The following CCDC178 variants were observed in gnomAD, a reference collection of about 807,000 sequenced individuals.
CCDC178 encodes the protein coiled-coil domain-containing protein 178.
Under a neutral mutation model 117.4 loss-of-function variants are expected in CCDC178, and 126 were observed. The observed-to-expected ratio is 1.07, with a 90% CI of 0.93 to 1.24. The LOEUF is 1.24. Among genes scored for constraint, CCDC178 ranks in the 50% most tolerant of loss-of-function variants. CCDC178 has a pLI of 0.00. For synonymous variants in CCDC178, 283 were observed against 313.4 expected (o/e 0.90, Z 1.02); for missense variants, 1,030 against 986.9 (o/e 1.04, Z -0.59).
At chr18:32,972,135 G>A (rs564226581) in intron 22 of CCDC178, among the ~76,000 whole-genome samples, 1 of 152,132 alleles carries the variant, frequency 6.6e-6, no homozygotes, top group South Asian at 2.1e-4. Flanking sequence ...TTTCTCTAAG[G>A]GGTTTTACGG....
At chr18:32,978,156 G>C (rs2055065977) in intron 21 of CCDC178, among the ~76,000 whole-genome samples, 2 of 146,400 alleles carry the variant, frequency 1.4e-5, no homozygotes, top group Non-Finnish European at 3.0e-5. Flanking sequence ...CTCTTAAACA[G>C]AGAAGTTTTT....
At chr18:33,336,608 T>C (rs1032587768) in intron 9 of CCDC178, among the ~76,000 whole-genome samples, 1 of 152,104 alleles carries the variant, frequency 6.6e-6, no homozygotes. Context: ...CAAAACTCAA[T>C]GAATAACTAG....
intron 20 of CCDC178, among the ~76,000 whole-genome samples, chr18:33,133,864 G>C (rs2144265934): frequency 6.6e-6 from 1 of 152,060 alleles, no homozygotes; most frequent in East Asian, 1.9e-4. Context: ...TTGGATAAAA[G>C]TAAGTAGATA....
In CCDC178 at chr18:33,216,532, C is replaced by T. The variant is rs186946054; in HGVS notation, c.1933-837G>A. 1.4e-3 allele frequency among the ~76,000 whole-genome samples: 218 copies of T among 152,168 alleles called. 1 individual carries two copies. Among genetic ancestry groups the T allele is most frequent in the Admixed American group, 0.014 (218 of 15,252 alleles). On this transcript the variant is annotated intron_variant, in intron 18 of 22. Coordinates refer to ENST00000383096, the MANE Select transcript of CCDC178 (RefSeq NM_001105528.4). The stretch of plus-strand genomic sequence containing the variant: ...ATGGCTGCTAATTAGTGTTACTCTC[C>T]CAACTGATTCTACAGATCTCAATGG...
chr18:33,348,909 G>A lies in CCDC178; in HGVS notation c.438C>T (p.Val146=). The A allele has an allele frequency of 1.2e-6, 2 of 1,609,552 alleles. No individual in the cohort carries two copies. The highest frequency in any genetic ancestry group is 1.7e-6 in the Non-Finnish European group (2 of 1,177,212). Residue 146 remains valine, a synonymous_variant, in exon 8 of 23, where the codon GTC becomes GTT. Coordinates refer to ENST00000383096, the MANE Select transcript of CCDC178 (RefSeq NM_001105528.4). ...DWSVTTPVKE[V]KPGEKRDEKC... Reference sequence around the variant, plus strand: ...CTTTACCTCTCTTTTCTCCTGGTTTGACCTCTTTCACTGGTGTAGTTACAC... The same window carrying A: ...CTTTACCTCTCTTTTCTCCTGGTTTAACCTCTTTCACTGGTGTAGTTACAC...
At chr18:33,263,065 C>A (rs1319812356) in intron 14 of CCDC178, among the ~76,000 whole-genome samples, 2 of 152,112 alleles carry the variant, frequency 1.3e-5, no homozygotes, top group Non-Finnish European at 2.9e-5. Context: ...TATTCAACCT[C>A]CCTAGTAATC....
At chr18:33,199,697 G>T (rs1331199943) in intron 20 of CCDC178, among the ~76,000 whole-genome samples, 3 of 151,948 alleles carry the variant, frequency 2.0e-5, no homozygotes, top group African/African-American at 7.3e-5. Flanking sequence ...ACCCAACCAG[G>T]GCTGTGTCTT....
intron 20 of CCDC178, among the ~76,000 whole-genome samples, chr18:33,195,109 A>G (rs2058913634): frequency 7.0e-6 from 1 of 143,060 alleles, no homozygotes; most frequent in Non-Finnish European, 1.5e-5. Flanking sequence ...AGAGCAAGGC[A>G]CTGTCTCTTA....
chr18:33,055,548 C>T (rs185519006), intron 21 of CCDC178, among the ~76,000 whole-genome samples: 98 of 152,088 alleles, frequency 6.4e-4, no homozygotes, highest in African/African-American at 1.9e-3. Context: ...AGGCTGGTTT[C>T]GAACTTCTGG....
chr18:33,320,918 C>G lies in CCDC178; in HGVS notation c.1022+2573G>C, dbSNP rs1160273139. Among the ~76,000 whole-genome samples, 3 of 151,994 alleles carry G rather than the reference C, an allele frequency of 2.0e-5. No homozygotes were observed. The South Asian group carries it at 6.2e-4, about 32-fold the overall frequency. On this transcript the variant is annotated intron_variant, in intron 11 of 22. Coordinates refer to ENST00000383096, the MANE Select transcript of CCDC178 (RefSeq NM_001105528.4). ...TAGGGACCAATGGAATAGAACAGAG[C>G]CCTCAGAAATAATACCACACATCTA...
chr18:33,197,848 T>A (rs1227374916), intron 20 of CCDC178, among the ~76,000 whole-genome samples: 5 of 152,216 alleles, frequency 3.3e-5, no homozygotes, highest in Non-Finnish European at 5.9e-5. Flanking sequence ...GTGTTTCACA[T>A]TATAAAAATC....
At chr18:33,326,767 T>C (rs902388015) in intron 10 of CCDC178, among the ~76,000 whole-genome samples, 5 of 142,346 alleles carry the variant, frequency 3.5e-5, no homozygotes, top group African/African-American at 1.1e-4. Context: ...AAAAAGGGGA[T>C]TGAGCAGCCC....
chr18:33,083,551 T>G (rs992342287), intron 21 of CCDC178, among the ~76,000 whole-genome samples: 1 of 152,210 alleles, frequency 6.6e-6, no homozygotes, highest in African/African-American at 2.4e-5. Flanking sequence ...CCTTTTTTGT[T>G]TTTTACTATT....
At chr18:33,126,623 G>A (rs2058007867) in intron 20 of CCDC178, among the ~76,000 whole-genome samples, 2 of 151,412 alleles carry the variant, frequency 1.3e-5, no homozygotes, top group Non-Finnish European at 2.9e-5. Flanking sequence ...CTGTATGCGT[G>A]GTTTTCATGT....
At chr18:33,047,546 C>CT (rs1161826117) in intron 21 of CCDC178, among the ~76,000 whole-genome samples, 2 of 152,108 alleles carry the variant, frequency 1.3e-5, no homozygotes, top group East Asian at 3.8e-4. Context: ...CCAGCAAGTT[C>CT]TTTTTTTCTG....
chr18:33,180,579 TGTTA>T (rs1466908918), intron 20 of CCDC178, among the ~76,000 whole-genome samples: 2 of 152,028 alleles, frequency 1.3e-5, no homozygotes, highest in African/African-American at 4.8e-5. Context: ...AATGTGCTAT[TGTTA>T]TTGTCCAGTG....
At chr18:33,082,702 T>G (rs931671377) in intron 21 of CCDC178, among the ~76,000 whole-genome samples, 1 of 152,024 alleles carries the variant, frequency 6.6e-6, no homozygotes, top group African/African-American at 2.4e-5. Context: ...TGTGCACATG[T>G]ACCCTATAAC....
chr18:32,944,575 T>C (rs1461850910), intron 22 of CCDC178, among the ~76,000 whole-genome samples: 6 of 152,338 alleles, frequency 3.9e-5, no homozygotes, highest in South Asian at 2.1e-4. Context: ...ATGGTTTTTT[T>C]CCCCAATGTG....
intron 21 of CCDC178, among the ~76,000 whole-genome samples, chr18:33,032,232 G>A (rs959082510): frequency 2.6e-5 from 4 of 152,020 alleles, no homozygotes; most frequent in African/African-American, 9.7e-5. Flanking sequence ...TGAGATCCTT[G>A]TTTTGTTTTG....
Sources: gnomAD v4.1 joint callset for allele counts (sites outside exome capture counted in the v4.1 genomes callset) on GRCh38, gnomAD v4.1.1 for gene constraint, MANE v1.5 for transcripts, NCBI Gene and HGNC (gene_info 2026-07-23, HGNC 2026-07-21) for gene names.